Variants in ASTN1 observed in about 807,000 individuals in gnomAD.
ASTN1 encodes astrotactin 1, also known as astrotactin-1.
Under a neutral mutation model 140.7 loss-of-function variants are expected in ASTN1, and 41 were observed. The observed-to-expected ratio is 0.29, with a 90% CI of 0.23 to 0.38. The LOEUF (loss-of-function observed/expected upper bound fraction) is 0.38, where lower values mean the gene tolerates loss of function less well. Ranked by LOEUF, ASTN1 falls within the 10% of genes least tolerant of loss-of-function variation. The probability of loss-of-function intolerance (pLI) is 1.00; values close to 1 mark genes in which losing one functional copy is unlikely to be tolerated. For missense variants in ASTN1, 1,479 were observed against 1,678.8 expected, an observed-to-expected ratio of 0.88 and a Z score of 2.08; for synonymous variants, 640 against 652.2, an observed-to-expected ratio of 0.98 and a Z score of 0.29.
chr1:177,113,926 A>G (rs1407895692), intron 1 of ASTN1, among the ~76,000 whole-genome samples: 3 of 152,220 alleles, frequency 2.0e-5, no homozygotes, highest in Admixed American at 1.3e-4. Flanking sequence ...TATACTAGCA[A>G]TAGTAAAACT....
chr1:176,859,742 C>T (rs1382740346), downstream of ASTN1, among the ~76,000 whole-genome samples: 3 of 152,184 alleles, frequency 2.0e-5, no homozygotes, highest in Non-Finnish European at 2.9e-5. Flanking sequence ...CAAGATCGTG[C>T]CATTGCACTC....
chr1:177,046,829 G>A (rs1002282070), intron 2 of ASTN1, among the ~76,000 whole-genome samples: 1 of 152,128 alleles, frequency 6.6e-6, no homozygotes, highest in African/African-American at 2.4e-5. Flanking sequence ...GACCAGAGAC[G>A]AGGCCTGAAG....
chr1:176,940,245 A>G (rs1461101152), intron 14 of ASTN1, among the ~76,000 whole-genome samples: 1 of 152,164 alleles, frequency 6.6e-6, no homozygotes, highest in Non-Finnish European at 1.5e-5. Flanking sequence ...AAACCAACCC[A>G]TTATCTAGAG....
rs568822263 is a variant in ASTN1 at position 177,028,910 on chromosome 1, C to T, written c.1120+724G>A. On this transcript the variant is annotated intron_variant, in intron 5 of 22. Coordinates refer to ENST00000361833, the MANE Select transcript of ASTN1 (RefSeq NM_004319.3). ...ACAGCAAATAACTGGTAAAGCTGAC[C>T]GGCGCTTGTGCTCCGAACTCCGCTG... 1.8e-4 allele frequency among the ~76,000 whole-genome samples: 28 copies of T among 152,222 alleles called. No homozygotes were observed. The East Asian group carries it at 4.6e-3, about 25-fold the overall frequency.
At chr1:176,908,292 G>A (rs1011026258) in intron 16 of ASTN1, among the ~76,000 whole-genome samples, 1 of 152,140 alleles carries the variant, frequency 6.6e-6, no homozygotes, top group Non-Finnish European at 1.5e-5. Context: ...TGCCAGCAGA[G>A]GCTCACACAC....
At chr1:176,886,626 G>A (rs1336981480) in intron 18 of ASTN1, among the ~76,000 whole-genome samples, 1 of 152,212 alleles carries the variant, frequency 6.6e-6, no homozygotes, top group African/African-American at 2.4e-5. Context: ...CTGTGGACAA[G>A]AGAAGAAATT....
At chr1:177,091,822 C>T (rs1235018252) in intron 1 of ASTN1, among the ~76,000 whole-genome samples, 1 of 152,122 alleles carries the variant, frequency 6.6e-6, no homozygotes, top group African/African-American at 2.4e-5. Context: ...TCACTTAGCA[C>T]AGTGTTTTTA....
rs181356912 is a variant in ASTN1 at position 177,147,125 on chromosome 1, A to G, written c.283+17269T>C. 3.9e-5 allele frequency among the ~76,000 whole-genome samples: 6 copies of G among 152,138 alleles called. No homozygotes were observed. In the South Asian group the frequency reaches 1.2e-3, roughly 31 times the overall value. On this transcript the variant is annotated intron_variant, in intron 1 of 22. Coordinates refer to ENST00000361833, the MANE Select transcript of ASTN1 (RefSeq NM_004319.3). Reference sequence around the variant, plus strand: ...TTTATTAATTCCTGCTAAGACACCAACAGTTTTTCCCACTACTGTTTTGCA... The same window carrying G: ...TTTATTAATTCCTGCTAAGACACCAGCAGTTTTTCCCACTACTGTTTTGCA...
At chr1:177,001,515 T>G (rs1211120574) in intron 8 of ASTN1, among the ~76,000 whole-genome samples, 1 of 152,208 alleles carries the variant, frequency 6.6e-6, no homozygotes, top group Non-Finnish European at 1.5e-5. Context: ...TTCTCATTTT[T>G]AAGAAATAAG....
intron 1 of ASTN1, among the ~76,000 whole-genome samples, chr1:177,150,452 A>G (rs1202729764): frequency 6.6e-6 from 1 of 152,190 alleles, no homozygotes; most frequent in Non-Finnish European, 1.5e-5. Context: ...AATGACAAGA[A>G]GCAGCACTGA....
intron 1 of ASTN1, among the ~76,000 whole-genome samples, chr1:177,133,450 C>T (rs1264204121): frequency 3.9e-5 from 6 of 152,130 alleles, no homozygotes; most frequent in Admixed American, 3.9e-4. Context: ...GCTCAAAGTC[C>T]GTGTGCCATG....
At chr1:177,065,649 C>T (rs1308425712) in intron 1 of ASTN1, among the ~76,000 whole-genome samples, 2 of 152,090 alleles carry the variant, frequency 1.3e-5, no homozygotes. Flanking sequence ...TTTGCAGAAC[C>T]ACAGGAGGTC....
intron 16 of ASTN1, among the ~76,000 whole-genome samples, chr1:176,926,658 C>T (rs1028789983): frequency 1.3e-5 from 2 of 152,126 alleles, no homozygotes; most frequent in African/African-American, 4.8e-5. Flanking sequence ...AACTGTATGC[C>T]ATAATTGCTT....
intron 16 of ASTN1, among the ~76,000 whole-genome samples, chr1:176,923,642 C>T (rs1670832789): frequency 6.6e-6 from 1 of 152,074 alleles, no homozygotes; most frequent in Non-Finnish European, 1.5e-5. Context: ...TTGTTAATCT[C>T]CTACCGATTT....
At chr1:176,960,296 C>G (rs1672603054) in intron 9 of ASTN1, among the ~76,000 whole-genome samples, 2 of 152,170 alleles carry the variant, frequency 1.3e-5, no homozygotes, top group South Asian at 4.1e-4. Context: ...GAGAGAATGT[C>G]TACAAGTAGT....
intron 1 of ASTN1, among the ~76,000 whole-genome samples, chr1:177,062,759 G>A (rs1183740687): frequency 6.6e-6 from 1 of 152,180 alleles, no homozygotes; most frequent in Admixed American, 6.5e-5. Flanking sequence ...GGGCACAACT[G>A]ATGTTATTTA....
intron 5 of ASTN1, among the ~76,000 whole-genome samples, chr1:177,025,573 C>A (rs73045458): frequency 0.025 from 3,730 of 151,708 alleles, 156 homozygotes; most frequent in African/African-American, 0.084. Context: ...GAAAGCAAGA[C>A]GACAGAATGT....
chr1:177,155,621 G>GA (rs1406208733), intron 1 of ASTN1, among the ~76,000 whole-genome samples: 1 of 152,146 alleles, frequency 6.6e-6, no homozygotes, highest in Non-Finnish European at 1.5e-5. Context: ...CAGTGAAACT[G>GA]AAAAATTAAA....
chr1:176,953,089 T>C (rs777301000), intron 11 of ASTN1, among the ~76,000 whole-genome samples: 6 of 152,232 alleles, frequency 3.9e-5, no homozygotes, highest in Non-Finnish European at 8.8e-5. Context: ...TAAGGCATAA[T>C]TGGCTAATGA....
Sources: gnomAD v4.1 joint callset for allele counts (sites outside exome capture counted in the v4.1 genomes callset) on GRCh38, gnomAD v4.1.1 for gene constraint, MANE v1.5 for transcripts, NCBI Gene and HGNC (gene_info 2026-07-23, HGNC 2026-07-21) for gene names.